Variants in COP1 observed in about 807,000 individuals in gnomAD.
COP1 encodes E3 ubiquitin-protein ligase COP1.
In COP1, 24 loss-of-function variants were observed where a neutral mutation model predicts 101.3. That is an observed-to-expected ratio of 0.24 (90% confidence interval 0.17 to 0.33). COP1 has a LOEUF of 0.33. COP1 is among the 10% of genes least tolerant of loss of function. The pLI, the probability that COP1 is intolerant of heterozygous loss-of-function variation, is 1.00. For synonymous variants in COP1, 347 were observed against 341.9 expected, an observed-to-expected ratio of 1.01 and a Z score of -0.17; for missense variants, 663 against 906.2, an observed-to-expected ratio of 0.73 and a Z score of 3.45.
intron 5 of COP1, among the ~76,000 whole-genome samples, chr1:176,153,783 A>G (rs1693008753): frequency 6.6e-6 from 1 of 152,108 alleles, no homozygotes; most frequent in Admixed American, 6.5e-5. Context: ...GTTTATTGAG[A>G]GTTTTTAATA....
At chr1:176,035,710 C>CAAAAAAAAAAAAAAAAAAA (rs71129541) in intron 14 of COP1, among the ~76,000 whole-genome samples, 1 of 73,100 alleles carries the variant, frequency 1.4e-5, no homozygotes, top group Admixed American at 1.5e-4. Flanking sequence ...AAAACGAGAC[C>CAAAAAAAAAAAAAAAAAAA]AAAAAAAAAA....
intron 15 of COP1, among the ~76,000 whole-genome samples, chr1:175,993,698 A>G (rs1386830478): frequency 6.6e-6 from 1 of 152,180 alleles, no homozygotes; most frequent in Non-Finnish European, 1.5e-5. Flanking sequence ...TAGAGAAAAA[A>G]GAATAAAAAG....
intron 15 of COP1, 52 bp downstream of exon 15, chr1:176,027,520 C>T (rs1667884838): frequency 9.6e-7 from 1 of 1,040,050 alleles, no homozygotes; most frequent in Non-Finnish European, 1.5e-6. Context: ...CCTATCCTTA[C>T]CATGATATTT....
At chr1:175,986,809 T>C in intron 18 of COP1, 134 bp downstream of exon 18, 2 of 614,796 alleles carry the variant, frequency 3.3e-6, no homozygotes, top group East Asian at 2.9e-5. Flanking sequence ...CTATTGTCTT[T>C]GGTGACACAT....
chr1:176,005,366 AT>A (rs1662876342), intron 15 of COP1, among the ~76,000 whole-genome samples: 1 of 151,394 alleles, frequency 6.6e-6, no homozygotes, highest in Non-Finnish European at 1.5e-5. Context: ...TTCTGCTCTG[AT>A]TTTAGTTATT....
intron 3 of COP1, among the ~76,000 whole-genome samples, chr1:176,174,994 T>G (rs904006000): frequency 6.6e-6 from 1 of 152,226 alleles, no homozygotes; most frequent in Non-Finnish European, 1.5e-5. Flanking sequence ...TTATCATTTA[T>G]ACTTAAGGAT....
intron 8 of COP1, among the ~76,000 whole-genome samples, chr1:176,134,686 T>G (rs1689510993): frequency 6.6e-6 from 1 of 152,004 alleles, no homozygotes; most frequent in Non-Finnish European, 1.5e-5. Flanking sequence ...TATTACCACT[T>G]CATGTTCTCA....
intron 18 of COP1, among the ~76,000 whole-genome samples, chr1:175,970,717 T>C (rs750604290): frequency 2.6e-5 from 4 of 152,180 alleles, no homozygotes; most frequent in Non-Finnish European, 5.9e-5. Context: ...ATTTTAAAAT[T>C]AGATACAGAT....
Position 176,027,590 on chromosome 1 carries a change from A to G in COP1, c.1711T>C (p.Leu571=), listed in dbSNP as rs1174980634. Residue 571 remains leucine (L), a synonymous_variant, in exon 15 of 20, where the codon TTG becomes CTG. Coordinates refer to ENST00000367669, the MANE Select transcript of COP1 (RefSeq NM_022457.7). ...VKFSPSSRYH[L]AFGCADHCVH... ...TTCTTACCTGCACAGCCGAAAGCCA[A>G]ATGGTATCTGGAAGAGGGGCTGAAT... 1 of 1,611,818 alleles carries G rather than the reference A, an allele frequency of 6.2e-7. No individual in the cohort carries two copies. The highest frequency in any genetic ancestry group is 1.7e-5 in the Admixed American group (1 of 60,006).
chr1:176,051,650 T>C (rs1672582284), intron 11 of COP1, among the ~76,000 whole-genome samples: 1 of 152,126 alleles, frequency 6.6e-6, no homozygotes, highest in Non-Finnish European at 1.5e-5. Context: ...GAAGATCTTA[T>C]CATAGGAGAT....
chr1:175,972,306 T>C (rs1444813783), intron 18 of COP1, among the ~76,000 whole-genome samples: 1 of 152,140 alleles, frequency 6.6e-6, no homozygotes, highest in African/African-American at 2.4e-5. Context: ...TGAAACTATC[T>C]ACAAATATTG....
At chr1:175,952,948 A>G (rs1650134127) in intron 18 of COP1, among the ~76,000 whole-genome samples, 1 of 152,144 alleles carries the variant, frequency 6.6e-6, no homozygotes, top group South Asian at 2.1e-4. Flanking sequence ...TATTGTGAGA[A>G]ATGGTGACTA....
intron 9 of COP1, among the ~76,000 whole-genome samples, chr1:176,107,864 T>C (rs943820279): frequency 6.6e-6 from 1 of 152,172 alleles, no homozygotes; most frequent in Non-Finnish European, 1.5e-5. Flanking sequence ...ATCTGAATCT[T>C]AAGCATAAGG....
At chr1:176,169,722 G>A (rs1695748821) in intron 3 of COP1, among the ~76,000 whole-genome samples, 1 of 152,146 alleles carries the variant, frequency 6.6e-6, no homozygotes, top group Non-Finnish European at 1.5e-5. Context: ...TGACTGATCA[G>A]GGTGGTAGTC....
At chr1:176,204,171 T>C (rs1036417591) in intron 1 of COP1, among the ~76,000 whole-genome samples, 2 of 152,178 alleles carry the variant, frequency 1.3e-5, no homozygotes, top group African/African-American at 4.8e-5. Flanking sequence ...TCTCATTTTG[T>C]CCTTACCTGT....
chr1:175,962,556 T>G (rs542476322), intron 18 of COP1, among the ~76,000 whole-genome samples: 1 of 152,326 alleles, frequency 6.6e-6, no homozygotes, highest in African/African-American at 2.4e-5. Flanking sequence ...GTTTTCTTTC[T>G]ACGAGATATC....
intron 11 of COP1, among the ~76,000 whole-genome samples, chr1:176,075,210 C>A (rs1677767214): frequency 6.6e-6 from 1 of 152,092 alleles, no homozygotes; most frequent in Admixed American, 6.6e-5. Context: ...AAATTTTACT[C>A]AGTCAAGTGC....
In COP1 at chr1:176,029,203, A is replaced by G. The variant is rs547031834; in HGVS notation, c.1613-1515T>C. ...CATGATTTTAAATTTTTATGTAGTA[A>G]TTCAGTTATACAACTTAAATATGTC... On this transcript the variant is annotated intron_variant, in intron 14 of 19. Coordinates refer to ENST00000367669, the MANE Select transcript of COP1 (RefSeq NM_022457.7). 2.5e-4 allele frequency among the ~76,000 whole-genome samples: 38 copies of G among 152,298 alleles called. No individual in the cohort carries two copies. In the South Asian group the frequency reaches 7.3e-3, roughly 29 times the overall value.
In COP1 at chr1:175,990,020, A is replaced by C. The variant is rs536588324; in HGVS notation, c.1730-541T>G. ...ATCACTAATTTCTACTCTAACCTTTATTATTTCCTTCCTTCTGCTTGTCTT... is the reference window on the plus strand; with the variant it reads ...ATCACTAATTTCTACTCTAACCTTTCTTATTTCCTTCCTTCTGCTTGTCTT... On this transcript the variant is annotated intron_variant, in intron 15 of 19. Coordinates refer to ENST00000367669, the MANE Select transcript of COP1 (RefSeq NM_022457.7). Among the ~76,000 whole-genome samples, 10 of 151,752 alleles carry C rather than the reference A, an allele frequency of 6.6e-5. No individual in the cohort carries two copies. In the East Asian group the frequency reaches 2.0e-3, roughly 30 times the overall value.
Sources: allele counts gnomAD v4.1 joint callset (sites outside exome capture counted in the v4.1 genomes callset), GRCh38; gene constraint gnomAD v4.1.1; transcripts MANE v1.5; gene names NCBI Gene and HGNC (gene_info 2026-07-23, HGNC 2026-07-21).